RANBP17: variants seen among roughly 807,000 people sequenced by gnomAD.
RANBP17 encodes ran-binding protein 17.
A neutral mutation model predicts 141.2 loss-of-function variants in RANBP17; 158 were observed. That is an observed-to-expected ratio of 1.12 (90% CI 0.98 to 1.28). RANBP17 has a LOEUF of 1.28. RANBP17 is among the 50% of genes most tolerant of loss of function. The pLI is 0.00. For synonymous variants in RANBP17, 430 were observed against 450.0 expected (o/e 0.96, Z 0.56); for missense variants, 1,438 against 1,290.7 (o/e 1.11, Z -1.75).
intron 5 of RANBP17, among the ~76,000 whole-genome samples, chr5:170,907,496 A>G (rs1163020893): frequency 6.6e-6 from 1 of 151,956 alleles, no homozygotes; most frequent in African/African-American, 2.4e-5. Flanking sequence ...ACTTATATGG[A>G]TCTTAATAAG....
In RANBP17 at chr5:171,217,719, T is replaced by C. The variant is rs554273575; in HGVS notation, c.2339+3981T>C. Among the ~76,000 whole-genome samples the C allele has an allele frequency of 3.2e-4, 48 of 152,312 alleles. 1 individual carries two copies. In the South Asian group the frequency reaches 9.9e-3, roughly 32 times the overall value. On this transcript the variant is annotated intron_variant, in intron 21 of 27. Transcript: ENST00000523189. ...AGGTGTTTATAGTATTCTCTGATGG[T>C]ATTTGTATTTCTGTGGGATCAGTGG...
chr5:171,094,352 C>T (rs189431070), intron 14 of RANBP17, among the ~76,000 whole-genome samples: 50 of 151,962 alleles, frequency 3.3e-4, no homozygotes, highest in Non-Finnish European at 2.1e-4. Context: ...AAAAATAAGG[C>T]CAATACTATT....
At chr5:170,922,852 T>C (rs764959148) in intron 11 of RANBP17, among the ~76,000 whole-genome samples, 6 of 152,112 alleles carry the variant, frequency 3.9e-5, no homozygotes, top group Admixed American at 3.9e-4. Context: ...CCCAATGAGA[T>C]GAACCATGTA....
chr5:170,954,296 A>G (rs994934730), intron 13 of RANBP17, among the ~76,000 whole-genome samples: 4 of 152,134 alleles, frequency 2.6e-5, no homozygotes, highest in Non-Finnish European at 4.4e-5. Context: ...TAATTTGGAG[A>G]TAACCACTAC....
chr5:171,005,286 G>A (rs1779515649), intron 14 of RANBP17, among the ~76,000 whole-genome samples: 2 of 152,128 alleles, frequency 1.3e-5, no homozygotes, highest in Admixed American at 6.5e-5. Context: ...GCATTGCCAA[G>A]TCAATCCTAA....
intron 18 of RANBP17, among the ~76,000 whole-genome samples, chr5:171,194,641 T>C (rs1761856806): frequency 6.6e-6 from 1 of 152,366 alleles, no homozygotes; most frequent in East Asian, 1.9e-4. Flanking sequence ...TACCTTTGGT[T>C]ATTATGAAAT....
In RANBP17 at chr5:171,253,616, A is replaced by C. The variant is rs538408311; in HGVS notation, c.2776+10796A>C. Among the ~76,000 whole-genome samples, 300 of 152,336 alleles carry C rather than the reference A, an allele frequency of 2.0e-3. 1 individual carries two copies. Among genetic ancestry groups the C allele is most frequent in the African/African-American group, 6.9e-3 (288 of 41,574 alleles). On this transcript the variant is annotated intron_variant, in intron 24 of 27. Coordinates refer to ENST00000523189, the MANE Select transcript of RANBP17 (RefSeq NM_022897.5). ...GCTTTTTGTTTCCCCAAGGGGAAAG[A>C]CTGGCTTTGTAATCATAATTTTTTC...
At chr5:171,211,851 A>G (rs1250821251) in intron 20 of RANBP17, among the ~76,000 whole-genome samples, 1 of 152,176 alleles carries the variant, frequency 6.6e-6, no homozygotes, top group Non-Finnish European at 1.5e-5. Context: ...ATTGAACATC[A>G]TGTGAACTGT....
chr5:171,112,924 A>G (rs1755349359), intron 14 of RANBP17, among the ~76,000 whole-genome samples: 1 of 152,166 alleles, frequency 6.6e-6, no homozygotes, highest in Non-Finnish European at 1.5e-5. Context: ...GTCAAGTATT[A>G]GCTCTATGCC....
In RANBP17 at chr5:171,089,882, C is replaced by T. The variant is rs531512906; in HGVS notation, c.1711-80248C>T. Among the ~76,000 whole-genome samples the T allele has an allele frequency of 2.4e-4, 36 of 152,306 alleles. 1 individual carries two copies. The East Asian group carries it at 5.2e-3, about 22-fold the overall frequency. On this transcript the variant is annotated intron_variant, in intron 14 of 27. Transcript: ENST00000523189. ...CTGGCACTCCCTAGTGAGATGCACC[C>T]GGTACCTCAGATGGAAATGCAGAAA...
At chr5:171,281,266 G>T (rs1330853847) in intron 25 of RANBP17, among the ~76,000 whole-genome samples, 1 of 152,196 alleles carries the variant, frequency 6.6e-6, no homozygotes, top group Non-Finnish European at 1.5e-5. Context: ...GAAAGACAGT[G>T]ATGGAAAGTG....
intron 1 of RANBP17, among the ~76,000 whole-genome samples, chr5:170,870,468 T>C (rs1561841143): frequency 1.3e-5 from 2 of 151,916 alleles, no homozygotes; most frequent in Non-Finnish European, 2.9e-5. Context: ...GAACATTTGG[T>C]GTTTGGTTTT....
At chr5:171,203,285 C>T (rs1157233744) in intron 19 of RANBP17, among the ~76,000 whole-genome samples, 1 of 152,212 alleles carries the variant, frequency 6.6e-6, no homozygotes, top group African/African-American at 2.4e-5. Flanking sequence ...CTCTTACGCT[C>T]AAATTACTTA....
At chr5:171,254,221 TG>T (rs1345272732) in intron 24 of RANBP17, among the ~76,000 whole-genome samples, 2 of 143,616 alleles carry the variant, frequency 1.4e-5, no homozygotes, top group African/African-American at 5.3e-5. Context: ...AACTCCAGCC[TG>T]GGCAACAGAG....
intron 14 of RANBP17, among the ~76,000 whole-genome samples, chr5:171,080,442 C>T (rs555185604): frequency 7.1e-4 from 108 of 152,194 alleles, no homozygotes; most frequent in Middle Eastern, 3.4e-3. Context: ...GAATTGTTTA[C>T]ATGTCTGACT....
chr5:171,061,976 T>C (rs1279426919), intron 14 of RANBP17, among the ~76,000 whole-genome samples: 7 of 151,976 alleles, frequency 4.6e-5, no homozygotes, highest in East Asian at 1.9e-4. Context: ...AGACTAGGAT[T>C]GCAACCCCTG....
At chr5:170,973,520 T>A (rs1777140716) in intron 14 of RANBP17, among the ~76,000 whole-genome samples, 1 of 152,156 alleles carries the variant, frequency 6.6e-6, no homozygotes, top group South Asian at 2.1e-4. Context: ...AGAAAAGCTG[T>A]AGGAATACAT....
intron 14 of RANBP17, among the ~76,000 whole-genome samples, chr5:171,108,917 A>AG (rs1186646044): frequency 6.6e-6 from 1 of 152,218 alleles, no homozygotes; most frequent in Non-Finnish European, 1.5e-5. Context: ...TTTATTAAAA[A>AG]ACAAAAACAA....
intron 20 of RANBP17, among the ~76,000 whole-genome samples, chr5:171,213,039 C>T (rs186732029): frequency 2.6e-5 from 4 of 152,122 alleles, no homozygotes; most frequent in South Asian, 2.1e-4. Context: ...CAAAGCTTTT[C>T]GTCAAGCCAA....
Sources: gnomAD v4.1 joint callset for allele counts (sites outside exome capture counted in the v4.1 genomes callset) on GRCh38, gnomAD v4.1.1 for gene constraint, MANE v1.5 for transcripts, NCBI Gene and HGNC (gene_info 2026-07-23, HGNC 2026-07-21) for gene names.